The following CFAP299 variants were observed in gnomAD, a reference collection of about 807,000 sequenced individuals.
CFAP299 encodes cilia- and flagella-associated protein 299.
CFAP299 carries 21 observed loss-of-function variants against 27.0 expected under a neutral mutation model. The ratio of observed to expected loss-of-function variants is 0.78; its 90% CI spans 0.55 to 1.12. CFAP299 has a LOEUF of 1.12. CFAP299 is among the 50% of genes most tolerant of loss of function. The pLI is 0.00. For missense variants in CFAP299, 310 were observed against 276.6 expected, an observed-to-expected ratio of 1.12 and a Z score of -0.86; for synonymous variants, 104 against 98.1, an observed-to-expected ratio of 1.06 and a Z score of -0.36.
intron 3 of CFAP299, among the ~76,000 whole-genome samples, chr4:80,706,630 A>G (rs72661723): frequency 0.012 from 1,799 of 151,954 alleles, 24 homozygotes; most frequent in Non-Finnish European, 0.018. Context: ...AAAAAGTTAT[A>G]TGTGTGTGTG....
At chr4:80,550,365 A>G (rs538723596) in intron 2 of CFAP299, among the ~76,000 whole-genome samples, 43 of 152,188 alleles carry the variant, frequency 2.8e-4, no homozygotes, top group African/African-American at 7.5e-4. Context: ...GATTGCATCA[A>G]CTGAGTCCTG....
intron 3 of CFAP299, among the ~76,000 whole-genome samples, chr4:80,757,722 T>C (rs918370113): frequency 3.7e-4 from 56 of 151,698 alleles, no homozygotes; most frequent in African/African-American, 1.4e-3. Flanking sequence ...TTTGTTTGTT[T>C]GTTTGGTTTG....
intron 4 of CFAP299, among the ~76,000 whole-genome samples, chr4:80,883,624 C>A (rs1294868528): frequency 6.6e-6 from 1 of 151,868 alleles, no homozygotes; most frequent in African/African-American, 2.4e-5. Flanking sequence ...TAAAAGAGAG[C>A]AGGAGTGTCT....
rs565032297 is a variant in CFAP299 at position 80,819,781 on chromosome 4, A to T, written c.334-50212A>T. ...CTATGAGATCCTTAATATAAGACTG[A>T]AAAAACAGTCTTATATTAAGCTTAG... On this transcript the variant is annotated intron_variant, in intron 3 of 5. Transcript: ENST00000358105. 3.9e-3 allele frequency among the ~76,000 whole-genome samples: 589 copies of T among 152,258 alleles called. 1 individual carries two copies. The highest frequency in any genetic ancestry group is 0.013 in the African/African-American group (550 of 41,562).
chr4:80,833,531 T>C (rs1578166437), intron 3 of CFAP299, among the ~76,000 whole-genome samples: 3 of 152,068 alleles, frequency 2.0e-5, no homozygotes, highest in East Asian at 3.9e-4. Flanking sequence ...AAAACATAAA[T>C]GAGAAAATTT....
At chr4:80,848,465 C>A (rs1354258222) in intron 3 of CFAP299, among the ~76,000 whole-genome samples, 1 of 152,078 alleles carries the variant, frequency 6.6e-6, no homozygotes, top group Non-Finnish European at 1.5e-5. Context: ...GCAATTGTAA[C>A]ACAGTGGTAA....
At chr4:80,737,766 G>GA (rs374406673) in intron 3 of CFAP299, among the ~76,000 whole-genome samples, 2 of 151,708 alleles carry the variant, frequency 1.3e-5, no homozygotes, top group Admixed American at 1.3e-4. Flanking sequence ...TTAAAAAGAA[G>GA]AAAAAAATAA....
At chr4:80,554,049 G>T (rs1293383525) in intron 2 of CFAP299, among the ~76,000 whole-genome samples, 1 of 151,972 alleles carries the variant, frequency 6.6e-6, no homozygotes, top group East Asian at 1.9e-4. Flanking sequence ...TGGCATCTTT[G>T]TCAGGAAATC....
chr4:80,586,248 TTAATA>T (rs1415164423), intron 3 of CFAP299, among the ~76,000 whole-genome samples: 6 of 151,990 alleles, frequency 3.9e-5, no homozygotes, highest in Admixed American at 3.3e-4. Context: ...TGACAACTAT[TTAATA>T]TATAATAAAT....
intron 3 of CFAP299, among the ~76,000 whole-genome samples, chr4:80,844,729 C>A (rs1183683306): frequency 6.6e-6 from 1 of 152,118 alleles, no homozygotes; most frequent in African/African-American, 2.4e-5. Flanking sequence ...ATGGTAGTTT[C>A]TTTTGCTGTG....
intron 2 of CFAP299, among the ~76,000 whole-genome samples, chr4:80,499,950 A>G (rs1731659741): frequency 6.7e-6 from 1 of 149,546 alleles, no homozygotes; most frequent in Admixed American, 6.6e-5. Flanking sequence ...TTAGAAACCT[A>G]CTTATTTTAT....
At chr4:80,851,454 C>A (rs1054644231) in intron 3 of CFAP299, among the ~76,000 whole-genome samples, 2 of 151,742 alleles carry the variant, frequency 1.3e-5, no homozygotes, top group East Asian at 1.9e-4. Context: ...CATTATTTCA[C>A]GATTATGTCA....
At chr4:80,820,563 G>A (rs896280848) in intron 3 of CFAP299, among the ~76,000 whole-genome samples, 1 of 152,096 alleles carries the variant, frequency 6.6e-6, no homozygotes, top group Admixed American at 6.6e-5. Context: ...ACCCAAGGGT[G>A]GGGAGGGACG....
rs3038572 is a variant in CFAP299 at position 80,902,586 on chromosome 4, TACACACAC to T, written c.476+32484_476+32491del. ...ATTTTATCCATATATATGTAATATA[TACACACAC>T]ACACACACACACACACACACACACA... On this transcript the variant is annotated intron_variant, in intron 4 of 5. Coordinates refer to ENST00000358105, the MANE Select transcript of CFAP299 (RefSeq NM_152770.3). Among the ~76,000 whole-genome samples, 111 of 126,698 alleles carry T rather than the reference TACACACAC, an allele frequency of 8.8e-4. 3 individuals carry two copies. In the South Asian group the frequency reaches 0.025, roughly 29 times the overall value. The allele number at this position is 126,698 out of a possible 152,430, so 83.1% of individuals were successfully genotyped here.
chr4:80,527,755 A>C (rs911173692), intron 2 of CFAP299, among the ~76,000 whole-genome samples: 7 of 152,030 alleles, frequency 4.6e-5, no homozygotes, highest in Admixed American at 3.9e-4. Flanking sequence ...AGGTCTTTAT[A>C]GCTTCTTATA....
chr4:80,519,343 A>C (rs890197123), intron 2 of CFAP299, among the ~76,000 whole-genome samples: 5 of 152,088 alleles, frequency 3.3e-5, no homozygotes, highest in African/African-American at 1.2e-4. Flanking sequence ...TGTATCTGGG[A>C]TTACAAGCAT....
At chr4:80,713,866 G>T (rs975198520) in intron 3 of CFAP299, among the ~76,000 whole-genome samples, 7 of 152,120 alleles carry the variant, frequency 4.6e-5, no homozygotes, top group Non-Finnish European at 1.5e-5. Context: ...AATGCACTTT[G>T]TGGCTGCTTT....
At chr4:80,387,599 A>T in intron 2 of CFAP299, 1 of 1,206,216 alleles carries the variant, frequency 8.3e-7, no homozygotes, top group African/African-American at 1.5e-5. Context: ...ACAGTCACAG[A>T]GTTTCGAGAC....
intron 3 of CFAP299, among the ~76,000 whole-genome samples, chr4:80,703,112 A>G (rs1721611168): frequency 6.6e-6 from 1 of 151,766 alleles, no homozygotes; most frequent in Non-Finnish European, 1.5e-5. Context: ...TAAAGAAGTT[A>G]GTGACATCTT....
Sources: gnomAD v4.1 joint callset for allele counts (sites outside exome capture counted in the v4.1 genomes callset) on GRCh38, gnomAD v4.1.1 for gene constraint, MANE v1.5 for transcripts, NCBI Gene and HGNC (gene_info 2026-07-23, HGNC 2026-07-21) for gene names.